The following GTF2IRD2B variants were observed in gnomAD, a reference collection of about 807,000 sequenced individuals.
The protein encoded by GTF2IRD2B is GTF2I repeat domain containing 2B, also known as general transcription factor II-I repeat domain-containing protein 2B.
A neutral mutation model predicts 55.6 loss-of-function variants in GTF2IRD2B; 10 were observed. The observed-to-expected ratio is 0.18, with a 90% CI of 0.11 to 0.31. GTF2IRD2B has a LOEUF of 0.31. Among genes scored for constraint, GTF2IRD2B ranks in the 10% least tolerant of loss-of-function variants. The probability of loss-of-function intolerance (pLI) is 1.00; values close to 1 mark genes in which losing one functional copy is unlikely to be tolerated. For synonymous variants in GTF2IRD2B, 107 were observed against 320.5 expected (o/e 0.33, Z 7.12); for missense variants, 206 against 802.7 (o/e 0.26, Z 8.98).
chr7:75,113,910 G>A (rs1808054815), intron 3 of GTF2IRD2B, among the ~76,000 whole-genome samples: 1 of 149,220 alleles, frequency 6.7e-6, no homozygotes, highest in Non-Finnish European at 1.5e-5. Flanking sequence ...AGATTAGATA[G>A]GTAGATAGAT....
At chr7:75,106,319 C>A (rs1440024707) in intron 1 of GTF2IRD2B, among the ~76,000 whole-genome samples, 1 of 152,238 alleles carries the variant, frequency 6.6e-6, no homozygotes, top group East Asian at 1.9e-4. Flanking sequence ...AGGAGAATCG[C>A]TTGAACCCGG....
At chr7:75,132,703 C>T (rs1185612640) in intron 8 of GTF2IRD2B, among the ~76,000 whole-genome samples, 4 of 142,730 alleles carry the variant, frequency 2.8e-5, no homozygotes, top group Non-Finnish European at 4.5e-5. Context: ...CAGGCGTCCG[C>T]CACCACTCCC....
In GTF2IRD2B at chr7:75,120,257, A is replaced by T. The variant is rs1554451796; in HGVS notation, c.239-634A>T. Among the ~76,000 whole-genome samples the T allele has an allele frequency of 2.6e-5, 2 of 77,420 alleles. 1 individual carries two copies. The highest frequency in any genetic ancestry group is 5.0e-5 in the Non-Finnish European group (2 of 40,376). The allele number at this position is 77,420 out of a possible 152,430, so 50.8% of individuals were successfully genotyped here. A position where few individuals can be genotyped will look rare whatever the true frequency, so the allele number is the denominator to read the frequency against. On this transcript the variant is annotated intron_variant, in intron 3 of 15. Transcript: ENST00000472837. ...CTCTCTTCTGACTAGACTGATGAAA[A>T]CAATCAGTTTTAAAACTTTTGGAGG... is the stretch of plus-strand genomic sequence containing the variant.
At chr7:75,135,413 C>T (rs368929532) in intron 10 of GTF2IRD2B, among the ~76,000 whole-genome samples, 580 of 151,436 alleles carry the variant, frequency 3.8e-3, no homozygotes, top group Non-Finnish European at 6.1e-3. Context: ...GGATTACAGG[C>T]GTAAGCCACC....
intron 6 of GTF2IRD2B, among the ~76,000 whole-genome samples, chr7:75,124,381 TAAAG>T (rs1226214083): frequency 6.6e-6 from 1 of 151,352 alleles, no homozygotes; most frequent in Non-Finnish European, 1.5e-5. Context: ...AATAAATAAA[TAAAG>T]AAGAATAAAA....
At position 75,148,296 on chromosome 7, in the gene GTF2IRD2B, G is replaced by T. The variant is rs1554454563; in HGVS notation, c.1849G>T (p.Ala617Ser). The T allele has an allele frequency of 1.9e-5, 30 of 1,613,676 alleles. No homozygotes were observed. The highest frequency in any genetic ancestry group is 2.4e-5 in the Non-Finnish European group (28 of 1,179,828). Residue 617 changes from alanine (A) to serine (S), a missense_variant, in exon 16 of 16, where the codon GCC becomes TCC. Transcript: ENST00000472837. ...CINWSRLVSV[A>S]STGTPAMVDA... ...CAACTGGTCGAGATTAGTAAGCGTG[G>T]CCTCCACTGGCACCCCAGCGATGGT...
intron 3 of GTF2IRD2B, among the ~76,000 whole-genome samples, chr7:75,113,995 T>TTA (rs587760761): frequency 0.033 from 4,800 of 147,132 alleles, 124 homozygotes; most frequent in African/African-American, 0.074. Context: ...GAGAGAGGAA[T>TTA]TATATATATA....
chr7:75,149,395 T>C lies in GTF2IRD2B; in HGVS notation c.*98T>C, dbSNP rs1393317426. 2.8e-5 allele frequency: 22 copies of C among 775,142 alleles called. No homozygotes were observed. Among genetic ancestry groups the C allele is most frequent in the Non-Finnish European group, 4.8e-5 (20 of 416,990 alleles). The allele number at this position is 775,142 out of a possible 1,614,324, so 48.0% of individuals were successfully genotyped here. On this transcript the variant is annotated 3_prime_UTR_variant, in exon 16 of 16. Transcript: ENST00000472837. ...TGACAAAATGAATTTTTTTTTTCTT[T>C]TTTGAGATGGAGTCTTGCTCTGTCG...
At position 75,102,236 on chromosome 7, in the gene GTF2IRD2B, T is replaced by C. The variant is rs1396077400; in HGVS notation, c.-5-6724T>C. 6.8e-4 allele frequency among the ~76,000 whole-genome samples: 102 copies of C among 150,388 alleles called. 2 individuals are homozygous for C. Among genetic ancestry groups the C allele is most frequent in the African/African-American group, 1.8e-3 (73 of 40,816 alleles). On this transcript the variant is annotated intron_variant, in intron 1 of 15. Coordinates refer to ENST00000472837, the MANE Select transcript of GTF2IRD2B (RefSeq NM_001003795.3). ...CAGGATGGTCTCGATCTCTTGACCTTGTGATCCGTCCGCCTCGGCCTCCCA... is the reference window on the plus strand; with the variant it reads ...CAGGATGGTCTCGATCTCTTGACCTCGTGATCCGTCCGCCTCGGCCTCCCA...
chr7:75,104,612 A>C (rs1554421425), intron 1 of GTF2IRD2B, among the ~76,000 whole-genome samples: 61 of 152,388 alleles, frequency 4.0e-4, no homozygotes, highest in Admixed American at 1.1e-3. Context: ...CAAAATAAAG[A>C]TTACGAATGG....
intron 2 of GTF2IRD2B, 81 bp from the exon 3 acceptor site, chr7:75,112,316 A>G: frequency 3.0e-6 from 1 of 331,752 alleles, no homozygotes; most frequent in Non-Finnish European, 5.0e-6. Flanking sequence ...CTAATTTTGT[A>G]TTCTTAAATC....
intron 1 of GTF2IRD2B, among the ~76,000 whole-genome samples, 191 bp downstream of exon 1, chr7:75,092,956 A>C (rs1218181778): frequency 1.3e-5 from 2 of 151,910 alleles, no homozygotes; most frequent in Non-Finnish European, 3.0e-5. Context: ...GCAGGACCAG[A>C]GGTGTGAGGG....
At chr7:75,105,275 G>A (rs1338592664) in intron 1 of GTF2IRD2B, among the ~76,000 whole-genome samples, 10 of 152,278 alleles carry the variant, frequency 6.6e-5, no homozygotes, top group Non-Finnish European at 8.8e-5. Context: ...AGGCCGAGGC[G>A]GGCGGATCAC....
intron 4 of GTF2IRD2B, 78 bp from the exon 5 acceptor site, chr7:75,123,058 A>G: frequency 1.3e-6 from 2 of 1,568,754 alleles, no homozygotes; most frequent in Non-Finnish European, 1.7e-6. Context: ...TCTACAAAAC[A>G]AAAAACAAAA....
intron 3 of GTF2IRD2B, among the ~76,000 whole-genome samples, chr7:75,118,566 C>T (rs1554451605): frequency 1.3e-5 from 2 of 151,030 alleles, no homozygotes; most frequent in African/African-American, 4.9e-5. Flanking sequence ...TCTTTAGAGT[C>T]CTCAGTCCCT....
chr7:75,120,811 T>C, intron 3 of GTF2IRD2B, 80 bp from the exon 4 acceptor site: 1 of 1,564,586 alleles, frequency 6.4e-7, no homozygotes. Context: ...CCCTTTTTTC[T>C]TTCAATACCA....
intron 8 of GTF2IRD2B, among the ~76,000 whole-genome samples, chr7:75,126,863 C>T (rs1278761125): frequency 6.8e-6 from 1 of 146,988 alleles, no homozygotes; most frequent in East Asian, 2.0e-4. Flanking sequence ...TGGGCATGGT[C>T]GTGTGCGCCT....
intron 15 of GTF2IRD2B, among the ~76,000 whole-genome samples, chr7:75,145,951 T>C (rs1199026440): frequency 3.3e-5 from 3 of 91,924 alleles, no homozygotes; most frequent in African/African-American, 4.8e-5. Flanking sequence ...CTGGAACTCC[T>C]GCCCTCAGGT....
At chr7:75,136,331 C>G (rs1808836677) in intron 10 of GTF2IRD2B, among the ~76,000 whole-genome samples, 1 of 149,492 alleles carries the variant, frequency 6.7e-6, no homozygotes, top group Non-Finnish European at 1.5e-5. Context: ...CAGAATCTCA[C>G]CCTGTCACCC....
Sources: allele counts gnomAD v4.1 joint callset (sites outside exome capture counted in the v4.1 genomes callset), GRCh38; gene constraint gnomAD v4.1.1; transcripts MANE v1.5; gene names NCBI Gene and HGNC (gene_info 2026-07-23, HGNC 2026-07-21).